Variants in TRAPPC9 observed in about 807,000 individuals in gnomAD.
TRAPPC9 encodes trafficking protein particle complex subunit 9.
TRAPPC9 carries 83 observed loss-of-function variants against 124.0 expected under a neutral mutation model. The observed-to-expected ratio is 0.67, with a 90% confidence interval of 0.56 to 0.80. TRAPPC9 has a LOEUF of 0.80. TRAPPC9 is among the 30% of genes least tolerant of loss of function. The pLI, the probability that TRAPPC9 is intolerant of heterozygous loss-of-function variation, is 0.00. For synonymous variants in TRAPPC9, 638 were observed against 617.5 expected (o/e 1.03, Z -0.49); for missense variants, 1,302 against 1,508.3 (o/e 0.86, Z 2.27).
At chr8:140,435,554 G>A (rs990678859) in intron 3 of TRAPPC9, among the ~76,000 whole-genome samples, 3 of 152,202 alleles carry the variant, frequency 2.0e-5, no homozygotes, top group Admixed American at 1.3e-4. Flanking sequence ...CAGCCTCTGC[G>A]TTCATCCATT....
At chr8:140,042,139 G>A (rs1226247469) in intron 17 of TRAPPC9, among the ~76,000 whole-genome samples, 2 of 151,956 alleles carry the variant, frequency 1.3e-5, no homozygotes, top group African/African-American at 4.8e-5. Flanking sequence ...TCCTTCTTAG[G>A]AGGCATGCAA....
chr8:139,858,959 C>T (rs1013759462), intron 21 of TRAPPC9, among the ~76,000 whole-genome samples: 2 of 148,678 alleles, frequency 1.3e-5, no homozygotes, highest in African/African-American at 5.0e-5. Flanking sequence ...TGCTTCTGCA[C>T]GGTGAAATTG....
intron 14 of TRAPPC9, among the ~76,000 whole-genome samples, chr8:140,277,389 C>G (rs1257200081): frequency 2.0e-5 from 3 of 152,228 alleles, no homozygotes; most frequent in Non-Finnish European, 4.4e-5. Context: ...AAATTGGACT[C>G]GTGTCCTTAC....
chr8:139,972,492 G>C (rs911424562), intron 19 of TRAPPC9, among the ~76,000 whole-genome samples: 1 of 152,170 alleles, frequency 6.6e-6, no homozygotes, highest in Non-Finnish European at 1.5e-5. Flanking sequence ...GCCTCTCCGG[G>C]GAGGCTACGC....
At chr8:140,047,356 C>T (rs769246000) in intron 17 of TRAPPC9, among the ~76,000 whole-genome samples, 10 of 152,222 alleles carry the variant, frequency 6.6e-5, no homozygotes, top group Non-Finnish European at 1.2e-4. Flanking sequence ...AAGAATAGTC[C>T]GGGTTGCGCT....
At chr8:139,867,759 A>C (rs991833926) in intron 21 of TRAPPC9, among the ~76,000 whole-genome samples, 1 of 152,222 alleles carries the variant, frequency 6.6e-6, no homozygotes, top group African/African-American at 2.4e-5. Context: ...GTAATATCTT[A>C]AAGTGTCAAG....
chr8:139,846,004 G>C (rs1827051533), intron 21 of TRAPPC9, among the ~76,000 whole-genome samples: 1 of 152,230 alleles, frequency 6.6e-6, no homozygotes, highest in Non-Finnish European at 1.5e-5. Context: ...AGAGGATGTG[G>C]GGACTGGGAA....
chr8:139,966,923 A>T (rs1189275485), intron 19 of TRAPPC9, among the ~76,000 whole-genome samples: 9 of 152,242 alleles, frequency 5.9e-5, no homozygotes. Flanking sequence ...AAGAGAATAC[A>T]GAGTCAACTG....
intron 17 of TRAPPC9, among the ~76,000 whole-genome samples, chr8:140,196,713 CACA>C (rs1290460754): frequency 6.6e-6 from 1 of 151,774 alleles, no homozygotes; most frequent in Non-Finnish European, 1.5e-5. Flanking sequence ...GACACAAACA[CACA>C]ACGATCCACT....
chr8:140,003,429 C>T (rs1445511717), intron 18 of TRAPPC9, among the ~76,000 whole-genome samples: 6 of 151,852 alleles, frequency 4.0e-5, no homozygotes, highest in Non-Finnish European at 8.8e-5. Context: ...ACCAAAACCT[C>T]GTCTCTGCTA....
At chr8:139,921,708 G>A (rs1296775015) in intron 19 of TRAPPC9, among the ~76,000 whole-genome samples, 5 of 150,702 alleles carry the variant, frequency 3.3e-5, no homozygotes, top group Non-Finnish European at 7.4e-5. Flanking sequence ...AGGGACCCTG[G>A]ATGATCATCT....
Position 140,272,379 on chromosome 8 carries a change from T to C in TRAPPC9, c.2278+3279A>G, listed in dbSNP as rs1166812363. 1.7e-4 allele frequency among the ~76,000 whole-genome samples: 18 copies of C among 104,478 alleles called. No individual in the cohort carries two copies. In the South Asian group the frequency reaches 4.7e-3, roughly 27 times the overall value. 68.5% of individuals were successfully genotyped at this position (104,478 alleles called of 152,430 possible). A position where few individuals can be genotyped will look rare whatever the true frequency, so the allele number is the denominator to read the frequency against. ...AGAGTGGTGGTAGTGAGGGTGGTGG[T>C]GATGATGGTGATGGTGGCGATGGTG... On this transcript the variant is annotated intron_variant, in intron 15 of 22. Coordinates refer to ENST00000438773, the MANE Select transcript of TRAPPC9 (RefSeq NM_001160372.4).
At chr8:140,330,356 T>C (rs1023907525) in intron 9 of TRAPPC9, among the ~76,000 whole-genome samples, 2 of 152,178 alleles carry the variant, frequency 1.3e-5, no homozygotes, top group South Asian at 4.1e-4. Context: ...CCAGGAGATA[T>C]GGAAGAAGAT....
chr8:139,918,120 G>A (rs751260475), intron 19 of TRAPPC9, among the ~76,000 whole-genome samples: 18 of 152,210 alleles, frequency 1.2e-4, no homozygotes, highest in African/African-American at 3.9e-4. Flanking sequence ...TCTGTGATTC[G>A]CAGGCATCTT....
At chr8:140,408,736 G>A (rs949969597) in intron 5 of TRAPPC9, among the ~76,000 whole-genome samples, 2 of 151,506 alleles carry the variant, frequency 1.3e-5, no homozygotes, top group Non-Finnish European at 2.9e-5. Flanking sequence ...AGGACACAGT[G>A]CCTGGAATCA....
chr8:140,350,660 A>G (rs780319809), intron 9 of TRAPPC9, among the ~76,000 whole-genome samples: 1 of 152,062 alleles, frequency 6.6e-6, no homozygotes, highest in Non-Finnish European at 1.5e-5. Context: ...ACTGGAGGTG[A>G]GCCCTCATGC....
At chr8:140,282,564 C>CA (rs36115226) in intron 14 of TRAPPC9, among the ~76,000 whole-genome samples, 160 of 140,156 alleles carry the variant, frequency 1.1e-3, no homozygotes, top group Non-Finnish European at 1.8e-3. Flanking sequence ...AAGACTCCGT[C>CA]AAAAAAAAAA....
At chr8:139,878,744 C>T (rs1270585764) in intron 21 of TRAPPC9, among the ~76,000 whole-genome samples, 3 of 152,184 alleles carry the variant, frequency 2.0e-5, no homozygotes, top group African/African-American at 4.8e-5. Context: ...GCAGAAGGAA[C>T]GCTTGAGGCC....
chr8:139,826,543 A>G (rs1268761474), intron 21 of TRAPPC9, among the ~76,000 whole-genome samples: 2 of 152,118 alleles, frequency 1.3e-5, no homozygotes, highest in Non-Finnish European at 2.9e-5. Flanking sequence ...GAGGGTGGGA[A>G]CCACGGCAGA....
Sources: allele counts gnomAD v4.1 joint callset (sites outside exome capture counted in the v4.1 genomes callset), GRCh38; gene constraint gnomAD v4.1.1; transcripts MANE v1.5; gene names NCBI Gene and HGNC (gene_info 2026-07-23, HGNC 2026-07-21).